CWC27: variants seen among roughly 807,000 people sequenced by gnomAD.
CWC27 encodes the protein CWC27 spliceosome associated cyclophilin.
CWC27 carries 47 observed loss-of-function variants against 63.6 expected under a neutral mutation model. The observed-to-expected ratio is 0.74, with a 90% CI of 0.58 to 0.94. The LOEUF (loss-of-function observed/expected upper bound fraction) is 0.94, where lower values mean the gene tolerates loss of function less well. Ranked by LOEUF, CWC27 falls within the 40% of genes least tolerant of loss-of-function variation. The probability of loss-of-function intolerance (pLI) is 0.00; values close to 1 mark genes in which losing one functional copy is unlikely to be tolerated. For missense variants in CWC27, 495 were observed against 554.3 expected (o/e 0.89, Z 1.07); for synonymous variants, 175 against 179.8 (o/e 0.97, Z 0.22).
At chr5:65,000,350 T>A (rs1749710090) in intron 13 of CWC27, among the ~76,000 whole-genome samples, 1 of 152,036 alleles carries the variant, frequency 6.6e-6, no homozygotes, top group African/African-American at 2.4e-5. Context: ...TAAGTCTCAT[T>A]TGTCTGTTTT....
At chr5:64,890,326 G>A (rs73107213) in intron 11 of CWC27, among the ~76,000 whole-genome samples, 1,650 of 152,290 alleles carry the variant, frequency 0.011, 25 homozygotes, top group African/African-American at 0.038. Context: ...AATCAGACTA[G>A]AGTCCCTCAG....
chr5:64,858,374 A>T, intron 10 of CWC27, among the ~76,000 whole-genome samples: 1 of 149,678 alleles, frequency 6.7e-6, no homozygotes. Flanking sequence ...AGGCAGGAGA[A>T]TGGCATGAAC....
At position 64,789,012 on chromosome 5, in the gene CWC27, G is replaced by C. The variant is rs1349372664; in HGVS notation, c.661G>C (p.Val221Leu). 5.6e-6 allele frequency: 9 copies of C among 1,603,324 alleles called. No homozygotes were observed. The South Asian group carries it at 7.9e-5, about 14-fold the overall frequency. The change falls in exon 7 of 14, where the codon GTT becomes CTT. Residue 221 changes from valine to leucine, a missense_variant. Coordinates refer to ENST00000381070, the MANE Select transcript of CWC27 (RefSeq NM_005869.4). Reference protein sequence around the residue: ...AEEEEEEVNRVSQSMKGKSKS... With the variant: ...AEEEEEEVNRLSQSMKGKSKS... ...GGAAGAAGAGGAGGAAGTAAATCGA[G>C]TTAGTCAGGTAATCTCTAATTTGCC...
intron 10 of CWC27, among the ~76,000 whole-genome samples, chr5:64,835,644 A>G (rs772140383): frequency 2.4e-4 from 36 of 151,980 alleles, no homozygotes; most frequent in Non-Finnish European, 4.9e-4. Context: ...TATAACTTAA[A>G]TATCATTTTG....
At chr5:64,837,551 C>T (rs1227206290) in intron 10 of CWC27, among the ~76,000 whole-genome samples, 1 of 150,874 alleles carries the variant, frequency 6.6e-6, no homozygotes, top group African/African-American at 2.4e-5. Flanking sequence ...AATAAAGTTA[C>T]TGGGTTTAAT....
chr5:64,829,330 T>C (rs1684875634), intron 10 of CWC27, among the ~76,000 whole-genome samples: 1 of 152,138 alleles, frequency 6.6e-6, no homozygotes, highest in Non-Finnish European at 1.5e-5. Context: ...GTAATTTTAT[T>C]TGTATGTTAT....
At chr5:64,861,753 C>T (rs539617782) in intron 10 of CWC27, among the ~76,000 whole-genome samples, 74 of 152,258 alleles carry the variant, frequency 4.9e-4, no homozygotes, top group African/African-American at 1.8e-3. Context: ...TTAACAGCAA[C>T]ATAATACCAG....
rs961018102 is a variant in CWC27 at position 64,964,887 on chromosome 5, T to TA, written c.1043-6808dup. ...TTCTTAGCTCTGTTGAGTATATCTT[T>TA]AAAAAAAATCAAATTGGTATTAAAT... is the stretch of plus-strand genomic sequence containing the variant. On this transcript the variant is annotated intron_variant, in intron 11 of 13. Transcript: ENST00000381070. Among the ~76,000 whole-genome samples, 143 of 152,108 alleles carry TA rather than the reference T, an allele frequency of 9.4e-4. No individual in the cohort carries two copies. In the Middle Eastern group the frequency reaches 0.014, roughly 14 times the overall value.
chr5:64,781,803 T>G, intron 2 of CWC27, 118 bp from the exon 3 acceptor site: 1 of 483,836 alleles, frequency 2.1e-6, no homozygotes. Flanking sequence ...AGGTTTTGGC[T>G]GGGGAGCGTA....
intron 10 of CWC27, among the ~76,000 whole-genome samples, chr5:64,848,416 G>T (rs997621945): frequency 2.6e-5 from 4 of 152,010 alleles, no homozygotes; most frequent in African/African-American, 9.7e-5. Context: ...AACATTTAAA[G>T]AACTGATATC....
intron 11 of CWC27, among the ~76,000 whole-genome samples, chr5:64,953,393 C>T (rs1748746489): frequency 6.6e-6 from 1 of 152,034 alleles, no homozygotes; most frequent in Admixed American, 6.6e-5. Flanking sequence ...GAGTGAGTGA[C>T]AGAGCTTGGA....
At chr5:64,916,641 C>T (rs921437706) in intron 11 of CWC27, among the ~76,000 whole-genome samples, 1 of 152,088 alleles carries the variant, frequency 6.6e-6, no homozygotes, top group African/African-American at 2.4e-5. Context: ...CCCAGCTCCC[C>T]AGAGACAGAT....
intron 11 of CWC27, among the ~76,000 whole-genome samples, chr5:64,898,688 A>G (rs1431104232): frequency 6.6e-6 from 1 of 152,170 alleles, no homozygotes; most frequent in Non-Finnish European, 1.5e-5. Context: ...GCAGATGGAT[A>G]AAGACTCAAA....
intron 13 of CWC27, among the ~76,000 whole-genome samples, chr5:65,003,338 G>C (rs1365955284): frequency 6.6e-6 from 1 of 152,030 alleles, no homozygotes; most frequent in Admixed American, 6.6e-5. Context: ...TTGTTTTATA[G>C]TTGTTTTGTA....
chr5:64,858,463 A>AAATAATAATAATAATAAT (rs199882585), intron 10 of CWC27, among the ~76,000 whole-genome samples: 133 of 146,606 alleles, frequency 9.1e-4, no homozygotes, highest in African/African-American at 2.6e-3. Flanking sequence ...CTCCATCTCA[A>AAATAATAATAATAATAAT]AATAATAATA....
intron 13 of CWC27, among the ~76,000 whole-genome samples, chr5:64,983,652 T>C (rs1749367400): frequency 6.6e-6 from 1 of 152,218 alleles, no homozygotes; most frequent in Non-Finnish European, 1.5e-5. Flanking sequence ...GAAATAAATG[T>C]ACCCGTTGTC....
chr5:64,789,044 T>A, intron 7 of CWC27, 24 bp downstream of exon 7: 1 of 1,536,466 alleles, frequency 6.5e-7, no homozygotes, highest in South Asian at 1.2e-5. Context: ...TGCCCTTTGT[T>A]CTAACTTACA....
intron 10 of CWC27, among the ~76,000 whole-genome samples, chr5:64,864,130 G>GGGT (rs761692545): frequency 6.6e-6 from 1 of 152,108 alleles, no homozygotes; most frequent in Non-Finnish European, 1.5e-5. Flanking sequence ...TCACCTCTAA[G>GGGT]GGTGGCAAAT....
rs151083491 is a variant in CWC27, at chr5:64,954,576, T to G, written c.1043-17127T>G. On this transcript the variant is annotated intron_variant, in intron 11 of 13. Transcript: ENST00000381070. Reference sequence around the variant, plus strand: ...CTGGGATTACAGGAATGAGCCACCGTGCACAGCCCCCTATTATATTTAAGT... The same window carrying G: ...CTGGGATTACAGGAATGAGCCACCGGGCACAGCCCCCTATTATATTTAAGT... Among the ~76,000 whole-genome samples the G allele has an allele frequency of 5.5e-3, 806 of 147,426 alleles. 8 individuals carry two copies. Among genetic ancestry groups the G allele is most frequent in the African/African-American group, 0.02 (759 of 37,804 alleles).
Sources: gnomAD v4.1 joint callset for allele counts (sites outside exome capture counted in the v4.1 genomes callset) on GRCh38, gnomAD v4.1.1 for gene constraint, MANE v1.5 for transcripts, NCBI Gene and HGNC (gene_info 2026-07-23, HGNC 2026-07-21) for gene names.